Variants in BACH2 observed in about 807,000 individuals in gnomAD.
BACH2 encodes transcription regulator protein BACH2.
A neutral mutation model predicts 61.8 loss-of-function variants in BACH2; 5 were observed. The observed-to-expected ratio is 0.08, with a 90% confidence interval of 0.04 to 0.17. The LOEUF (loss-of-function observed/expected upper bound fraction) is 0.17, where lower values mean the gene tolerates loss of function less well. Ranked by LOEUF, BACH2 falls within the 10% of genes least tolerant of loss-of-function variation. The pLI is 1.00. For missense variants in BACH2, 824 were observed against 1,091.1 expected (o/e 0.76, Z 3.45); for synonymous variants, 446 against 440.1 (o/e 1.01, Z -0.17).
intron 5 of BACH2, among the ~76,000 whole-genome samples, chr6:90,046,321 C>T (rs757290799): frequency 1.3e-5 from 2 of 152,218 alleles, no homozygotes; most frequent in Non-Finnish European, 2.9e-5. Flanking sequence ...GTCACAAACA[C>T]AAGCCTCTGG....
chr6:89,974,582 T>C (rs539772592), intron 6 of BACH2, among the ~76,000 whole-genome samples: 39 of 152,340 alleles, frequency 2.6e-4, no homozygotes, highest in Non-Finnish European at 4.4e-4. Context: ...GTTAGCAAGA[T>C]CTTTTAACAT....
chr6:90,011,974 G>GTGTGTGTGTGTGTA (rs1422867546), intron 5 of BACH2, among the ~76,000 whole-genome samples: 1 of 147,798 alleles, frequency 6.8e-6, no homozygotes, highest in African/African-American at 2.6e-5. Flanking sequence ...GTGTGTGTGT[G>GTGTGTGTGTGTGTA]TATGAGTGAT....
intron 8 of BACH2, among the ~76,000 whole-genome samples, chr6:89,937,175 C>T (rs1436338703): frequency 6.6e-6 from 1 of 152,072 alleles, no homozygotes; most frequent in Non-Finnish European, 1.5e-5. Flanking sequence ...ATGACAGCCA[C>T]CTTGAGGCAG....
chr6:90,233,310 G>A (rs1770157609), intron 3 of BACH2, among the ~76,000 whole-genome samples: 1 of 152,132 alleles, frequency 6.6e-6, no homozygotes, highest in Non-Finnish European at 1.5e-5. Context: ...TCTTCTACAT[G>A]AGAATATCAC....
chr6:90,283,081 A>T (rs983027536), intron 1 of BACH2, among the ~76,000 whole-genome samples: 1 of 152,202 alleles, frequency 6.6e-6, no homozygotes, highest in Non-Finnish European at 1.5e-5. Context: ...TATGATTTTA[A>T]TCTGCATGTG....
chr6:89,944,137 G>A (rs558718076), intron 7 of BACH2, among the ~76,000 whole-genome samples: 4 of 152,320 alleles, frequency 2.6e-5, no homozygotes, highest in South Asian at 2.1e-4. Flanking sequence ...GTTGTGATAC[G>A]TCAATTAATT....
At chr6:90,237,670 T>C (rs572905443) in intron 3 of BACH2, among the ~76,000 whole-genome samples, 15 of 152,356 alleles carry the variant, frequency 9.8e-5, no homozygotes, top group Non-Finnish European at 1.3e-4. Flanking sequence ...TCTGTACCTC[T>C]GGAAACACTG....
Position 90,076,745 on chromosome 6 carries a change from G to A in BACH2, c.-13+12216C>T, listed in dbSNP as rs1048742968. Among the ~76,000 whole-genome samples the A allele has an allele frequency of 1.8e-4, 27 of 152,018 alleles. 1 individual carries two copies. Among genetic ancestry groups the A allele is most frequent in the Non-Finnish European group, 1.0e-4 (7 of 68,012 alleles). On this transcript the variant is annotated intron_variant, in intron 5 of 8. Transcript: ENST00000257749. ...GTCGTGGCCTGACACTGATCCATCCGCCTTCATCCCTCATTCAGAGGAGAG... is the reference window on the plus strand; with the variant it reads ...GTCGTGGCCTGACACTGATCCATCCACCTTCATCCCTCATTCAGAGGAGAG...
chr6:90,289,283 G>A (rs1310676371), intron 1 of BACH2, among the ~76,000 whole-genome samples: 1 of 152,164 alleles, frequency 6.6e-6, no homozygotes, highest in Non-Finnish European at 1.5e-5. Flanking sequence ...CAGACAGCTA[G>A]TGTCCAACTC....
chr6:90,255,851 C>T (rs951426425), intron 2 of BACH2, among the ~76,000 whole-genome samples: 3 of 152,148 alleles, frequency 2.0e-5, no homozygotes, highest in Non-Finnish European at 4.4e-5. Context: ...GAAGCAGGAA[C>T]GAAGGGGCCA....
intron 4 of BACH2, among the ~76,000 whole-genome samples, chr6:90,129,007 A>T (rs1247443281): frequency 6.6e-6 from 1 of 152,146 alleles, no homozygotes; most frequent in Non-Finnish European, 1.5e-5. Context: ...GTGGGAATTG[A>T]ACAATGAGAA....
chr6:89,990,904 A>G (rs542504089), intron 6 of BACH2, among the ~76,000 whole-genome samples: 2 of 152,228 alleles, frequency 1.3e-5, no homozygotes, highest in African/African-American at 2.4e-5. Context: ...TAGATGCTCA[A>G]TGCAAATCTG....
chr6:89,970,219 T>A (rs144750007), intron 6 of BACH2, among the ~76,000 whole-genome samples: 2 of 152,032 alleles, frequency 1.3e-5, no homozygotes, highest in Non-Finnish European at 2.9e-5. Context: ...TCGTGAGGAG[T>A]AAGGACAGTG....
chr6:90,235,079 G>A (rs546983805), intron 3 of BACH2, among the ~76,000 whole-genome samples: 4 of 152,150 alleles, frequency 2.6e-5, no homozygotes, highest in Admixed American at 1.3e-4. Flanking sequence ...GCTTTAGTCC[G>A]TTGCTTGTAA....
chr6:90,102,460 A>G (rs1471074258), intron 4 of BACH2, among the ~76,000 whole-genome samples: 2 of 152,216 alleles, frequency 1.3e-5, no homozygotes, highest in Non-Finnish European at 2.9e-5. Context: ...ATGAAAAACC[A>G]CATTCTAAAG....
rs143124461 is a variant in BACH2, at chr6:90,007,368, T to C, written c.243+1234A>G. ...TTTTTTTAAAGATGGGGTCTTGCTA[T>C]GTTGCCCAGGCTTGTCTCGAACTGC... On this transcript the variant is annotated intron_variant, in intron 6 of 8. Coordinates refer to ENST00000257749, the MANE Select transcript of BACH2 (RefSeq NM_021813.4). Among the ~76,000 whole-genome samples the C allele has an allele frequency of 2.6e-3, 393 of 152,098 alleles. 3 individuals are homozygous for C. The highest frequency in any genetic ancestry group is 9.2e-3 in the African/African-American group (380 of 41,480).
intron 8 of BACH2, 27 bp from the exon 9 acceptor site, chr6:89,932,917 G>T (rs748776692): frequency 1.3e-6 from 2 of 1,541,216 alleles, no homozygotes; most frequent in Non-Finnish European, 8.8e-7. Flanking sequence ...AAAAGAGAAG[G>T]GTTGATCAAG....
chr6:90,092,180 T>C (rs143076590), intron 4 of BACH2, among the ~76,000 whole-genome samples: 241 of 151,668 alleles, frequency 1.6e-3, no homozygotes, highest in Middle Eastern at 3.4e-3. Context: ...GCAAAGCTAA[T>C]TACAAATTTG....
At chr6:90,029,170 T>C (rs1203770600) in intron 5 of BACH2, among the ~76,000 whole-genome samples, 2 of 152,158 alleles carry the variant, frequency 1.3e-5, no homozygotes, top group Non-Finnish European at 2.9e-5. Flanking sequence ...ACTGCATAGA[T>C]TTAGGGTAAC....
Sources: allele counts gnomAD v4.1 joint callset (sites outside exome capture counted in the v4.1 genomes callset), GRCh38; gene constraint gnomAD v4.1.1; transcripts MANE v1.5; gene names NCBI Gene and HGNC (gene_info 2026-07-23, HGNC 2026-07-21).